Variants in ANKRD36B observed in about 807,000 individuals in gnomAD.
ANKRD36B encodes ankyrin repeat domain 36B.
In ANKRD36B, 37 loss-of-function variants were observed where a neutral mutation model predicts 135.7. That is an observed-to-expected ratio of 0.27 (90% CI 0.21 to 0.36). The LOEUF (loss-of-function observed/expected upper bound fraction) is 0.36, where lower values mean the gene tolerates loss of function less well. Ranked by LOEUF, ANKRD36B falls within the 10% of genes least tolerant of loss-of-function variation. The pLI is 1.00. For synonymous variants in ANKRD36B, 179 were observed against 348.1 expected (o/e 0.51, Z 5.41); for missense variants, 549 against 1,037.1 (o/e 0.53, Z 6.46).
intron 26 of ANKRD36B, 113 bp downstream of exon 26, chr2:97,543,677 C>A (rs1258621593): frequency 1.4e-5 from 3 of 209,626 alleles, no homozygotes; most frequent in East Asian, 6.2e-5. Flanking sequence ...GAATGTCAGG[C>A]CTGCTGAATC....
chr2:97,553,087 C>T, intron 16 of ANKRD36B, 81 bp downstream of exon 16: 1 of 1,518,814 alleles, frequency 6.6e-7, no homozygotes, highest in Non-Finnish European at 9.0e-7. Flanking sequence ...CCCCCACCCG[C>T]CCTGCGCTGA....
chr2:97,589,771 G>A lies in ANKRD36B; in HGVS notation c.-86C>T, dbSNP rs1187351670. On this transcript the variant is annotated 5_prime_UTR_variant, in exon 1 of 44. Coordinates refer to ENST00000359901, the MANE Select transcript of ANKRD36B (RefSeq NM_001393939.1). Reference sequence around the variant, plus strand: ...TGCAGCCGTATTTCAGCTCGCCTTCGGGGATCGCCGCCTCCGAAGAGCAAC... The same window carrying A: ...TGCAGCCGTATTTCAGCTCGCCTTCAGGGATCGCCGCCTCCGAAGAGCAAC... The A allele has an allele frequency of 1.2e-6, 2 of 1,601,792 alleles. No individual in the cohort carries two copies. Among genetic ancestry groups the A allele is most frequent in the Non-Finnish European group, 1.7e-6 (2 of 1,172,810 alleles).
chr2:97,550,653 G>T (rs6742834), intron 18 of ANKRD36B, among the ~76,000 whole-genome samples: 11,392 of 151,570 alleles, frequency 0.075, 1,097 homozygotes, highest in African/African-American at 0.22. Flanking sequence ...GAGTCATTGT[G>T]TTTTTATGCC....
rs1220761208 is a variant in ANKRD36B at position 97,516,227 on chromosome 2, A to C, written c.2408-282T>G. The stretch of plus-strand genomic sequence containing the variant: ...AAAAAAAAAAAAACATAGTTATGTG[A>C]TTGCATAAGATAATTTGATCTATAC... On this transcript the variant is annotated intron_variant, in intron 36 of 43. Transcript: ENST00000359901. 3.7e-5 allele frequency among the ~76,000 whole-genome samples: 2 copies of C among 53,604 alleles called. 1 individual carries two copies. Among genetic ancestry groups the C allele is most frequent in the African/African-American group, 1.1e-4 (2 of 18,916 alleles). 35.2% of individuals were successfully genotyped at this position (53,604 alleles called of 152,430 possible).
At chr2:97,552,360 A>C (rs764444560) in intron 16 of ANKRD36B, among the ~76,000 whole-genome samples, 10 of 151,960 alleles carry the variant, frequency 6.6e-5, no homozygotes, top group Non-Finnish European at 1.3e-4. Flanking sequence ...GTTAGTCTGT[A>C]AAGATGTTTC....
intron 19 of ANKRD36B, 35 bp from the exon 20 acceptor site, chr2:97,549,526 AAAGT>A: frequency 1.9e-6 from 3 of 1,603,392 alleles, no homozygotes; most frequent in Admixed American, 1.7e-5. Context: ...ATAAATAAAT[AAAGT>A]ATGTTTCATA....
chr2:97,585,948 A>G (rs1026093567), intron 1 of ANKRD36B, among the ~76,000 whole-genome samples: 8 of 152,246 alleles, frequency 5.3e-5, no homozygotes, highest in Admixed American at 1.3e-4. Context: ...TCTCTTATAT[A>G]TTAACATCTC....
intron 5 of ANKRD36B, among the ~76,000 whole-genome samples, chr2:97,577,934 T>C (rs1299084491): frequency 6.6e-6 from 1 of 151,894 alleles, no homozygotes; most frequent in Non-Finnish European, 1.5e-5. Flanking sequence ...GGTACAGATC[T>C]GGTAGCAATA....
In ANKRD36B at chr2:97,574,234, G is replaced by C. The variant is rs201030298; in HGVS notation, c.763+2145C>G. On this transcript the variant is annotated intron_variant, in intron 6 of 43. Transcript: ENST00000359901. ...CCATCAAAAAGTGGGCAAAGGATATGAACAGACACTTCTCAAAAGAAGACA... is the reference window on the plus strand; with the variant it reads ...CCATCAAAAAGTGGGCAAAGGATATCAACAGACACTTCTCAAAAGAAGACA... Among the ~76,000 whole-genome samples the C allele has an allele frequency of 3.3e-3, 503 of 152,242 alleles. 8 individuals are homozygous for C. The East Asian group carries it at 0.034, about 10-fold the overall frequency.
At chr2:97,566,629 T>C (rs2309175) in intron 6 of ANKRD36B, among the ~76,000 whole-genome samples, 6 of 152,120 alleles carry the variant, frequency 3.9e-5, no homozygotes, top group East Asian at 1.9e-4. Flanking sequence ...CTAACAGAAT[T>C]ATATCAGACT....
chr2:97,550,213 T>A (rs1342851751), intron 18 of ANKRD36B, among the ~76,000 whole-genome samples: 2 of 140,332 alleles, frequency 1.4e-5, no homozygotes, highest in Non-Finnish European at 3.2e-5. Context: ...GGTGTAATAA[T>A]CTGCCTAAGT....
Position 97,530,701 on chromosome 2 carries a change from A to C in ANKRD36B, c.2265+1610T>G, listed in dbSNP as rs1325440320. 4.1e-5 allele frequency among the ~76,000 whole-genome samples: 4 copies of C among 96,672 alleles called. 1 individual carries two copies. Among genetic ancestry groups the C allele is most frequent in the Non-Finnish European group, 8.3e-5 (3 of 36,356 alleles). The allele number at this position is 96,672 out of a possible 152,430, so 63.4% of individuals were successfully genotyped here. A position where few individuals can be genotyped will look rare whatever the true frequency, so the allele number is the denominator to read the frequency against. On this transcript the variant is annotated intron_variant, in intron 35 of 43. Transcript: ENST00000359901. ...CAGAATCTACAAAGAACTCAAACAAATTTACAAGAAAAAAACAAACAACCC... is the reference window on the plus strand; with the variant it reads ...CAGAATCTACAAAGAACTCAAACAACTTTACAAGAAAAAAACAAACAACCC...
chr2:97,549,291 A>G lies in ANKRD36B; in HGVS notation c.1477+128T>C, dbSNP rs1236258910. 5 of 1,233,788 alleles carry G rather than the reference A, an allele frequency of 4.1e-6. No individual in the cohort carries two copies. In the African/African-American group the frequency reaches 7.2e-5, roughly 18 times the overall value. The allele number at this position is 1,233,788 out of a possible 1,614,324, so 76.4% of individuals were successfully genotyped here. On this transcript the variant is annotated intron_variant, in intron 20 of 43. Transcript: ENST00000359901. Reference sequence around the variant, plus strand: ...CAGCATCACTCAAGAACTTACTACAAATGAAGAATCTCTGGCCTGCTGAAT... The same window carrying G: ...CAGCATCACTCAAGAACTTACTACAGATGAAGAATCTCTGGCCTGCTGAAT...
Position 97,549,572 on chromosome 2 carries a change from G to A in ANKRD36B, c.1404+14C>T, listed in dbSNP as rs1209432752. 18 of 1,608,916 alleles carry A rather than the reference G, an allele frequency of 1.1e-5. No individual in the cohort carries two copies. The highest frequency in any genetic ancestry group is 1.5e-5 in the Non-Finnish European group (18 of 1,177,932). On this transcript the variant is annotated intron_variant, in intron 19 of 43. Coordinates refer to ENST00000359901, the MANE Select transcript of ANKRD36B (RefSeq NM_001393939.1). ...ACATTAACTAGTTCACAATATAAATGAGAGTTTCATTACCTTCAAGGCTGG... is the reference window on the plus strand; with the variant it reads ...ACATTAACTAGTTCACAATATAAATAAGAGTTTCATTACCTTCAAGGCTGG...
intron 6 of ANKRD36B, among the ~76,000 whole-genome samples, chr2:97,565,307 C>A (rs527706472): frequency 2.2e-4 from 33 of 151,782 alleles, no homozygotes; most frequent in African/African-American, 7.5e-4. Context: ...CATCTGCAAA[C>A]AGAGACAATT....
intron 4 of ANKRD36B, 34 bp from the exon 5 acceptor site, chr2:97,579,077 T>C (rs774218656): frequency 3.2e-6 from 5 of 1,556,622 alleles, no homozygotes; most frequent in Non-Finnish European, 4.4e-6. Context: ...AAAACTTTAA[T>C]GACATTTTAA....
At chr2:97,541,760 A>G in intron 28 of ANKRD36B, 151 bp downstream of exon 28, 1 of 672,992 alleles carries the variant, frequency 1.5e-6, no homozygotes, top group South Asian at 1.4e-5. Context: ...CAGCACCATC[A>G]GGGTCACCCG....
At position 97,550,337 on chromosome 2, in the gene ANKRD36B, C is replaced by A. The variant is rs182393789; in HGVS notation, c.1376-723G>T. Among the ~76,000 whole-genome samples, 1,114 of 149,816 alleles carry A rather than the reference C, an allele frequency of 7.4e-3. 51 individuals are homozygous for A. The East Asian group carries it at 0.11, about 14-fold the overall frequency. ...ATCAATTATCAATTTTGACATATTT[C>A]TACAAAGTAAAACTGCTACAAGCAT... On this transcript the variant is annotated intron_variant, in intron 18 of 43. Transcript: ENST00000359901.
At chr2:97,554,976 A>G (rs2080377571) in intron 14 of ANKRD36B, 84 bp downstream of exon 14, 1 of 1,496,628 alleles carries the variant, frequency 6.7e-7, no homozygotes, top group Non-Finnish European at 9.2e-7. Context: ...AGCTTTGATG[A>G]GCCCCCCCAC....
Sources: gnomAD v4.1 joint callset for allele counts (sites outside exome capture counted in the v4.1 genomes callset) on GRCh38, gnomAD v4.1.1 for gene constraint, MANE v1.5 for transcripts, NCBI Gene and HGNC (gene_info 2026-07-23, HGNC 2026-07-21) for gene names.